Variants in CFAP251 observed in about 807,000 individuals in gnomAD.
CFAP251 encodes cilia and flagella associated protein 251, also known as cilia- and flagella-associated protein 251.
CFAP251 carries 93 observed loss-of-function variants against 126.7 expected under a neutral mutation model. That is an observed-to-expected ratio of 0.73 (90% confidence interval 0.62 to 0.87). The LOEUF (loss-of-function observed/expected upper bound fraction) is 0.87, where lower values mean the gene tolerates loss of function less well. Among genes scored for constraint, CFAP251 ranks in the 40% least tolerant of loss-of-function variants. CFAP251 has a pLI of 0.00. For missense variants in CFAP251, 1,287 were observed against 1,389.2 expected (o/e 0.93, Z 1.17); for synonymous variants, 503 against 506.9 (o/e 0.99, Z 0.10).
intron 1 of CFAP251, among the ~76,000 whole-genome samples, chr12:121,919,763 T>G (rs1282501724): frequency 1.3e-5 from 2 of 152,174 alleles, no homozygotes; most frequent in African/African-American, 2.4e-5. Flanking sequence ...GGGTTATGCA[T>G]TTTGCTGCCT....
chr12:121,999,572 G>C lies in CFAP251; in HGVS notation c.3007-144G>C, dbSNP rs1407943238. On this transcript the variant is annotated intron_variant, in intron 19 of 21. Coordinates refer to ENST00000288912, the MANE Select transcript of CFAP251 (RefSeq NM_144668.6). The stretch of plus-strand genomic sequence containing the variant: ...GCTGGTCTCAAACTCCTGGCCTCAA[G>C]TGATCCTTTGGCCACGGCCTCCCAA... 9 of 598,714 alleles carry C rather than the reference G, an allele frequency of 1.5e-5. No homozygotes were observed. In the East Asian group the frequency reaches 2.3e-4, roughly 16 times the overall value. The allele number at this position is 598,714 out of a possible 1,614,324, so 37.1% of individuals were successfully genotyped here.
At chr12:121,972,456 TGAGA>T (rs1342606659) in intron 17 of CFAP251, among the ~76,000 whole-genome samples, 1 of 152,106 alleles carries the variant, frequency 6.6e-6, no homozygotes, top group African/African-American at 2.4e-5. Flanking sequence ...ACTTTGAACT[TGAGA>T]GAGATGATTT....
Position 121,920,034 on chromosome 12 carries a change from A to C in CFAP251, c.-20-1252A>C, listed in dbSNP as rs1880092913. Among the ~76,000 whole-genome samples the C allele has an allele frequency of 1.3e-5, 2 of 151,598 alleles. 1 individual carries two copies. The highest frequency in any genetic ancestry group is 4.2e-4 in the South Asian group (2 of 4,800). On this transcript the variant is annotated intron_variant, in intron 1 of 21. Transcript: ENST00000288912. The stretch of plus-strand genomic sequence containing the variant: ...CTGCCTCCATTGAAAAAATACAAAA[A>C]TTAGCTGGGTGTGGTGGCAGACGCC...
At chr12:121,977,759 T>C (rs186410028) in intron 19 of CFAP251, among the ~76,000 whole-genome samples, 2 of 149,194 alleles carry the variant, frequency 1.3e-5, no homozygotes, top group Non-Finnish European at 3.0e-5. Context: ...ATCGAGACCA[T>C]CCTGGCTAAC....
At chr12:121,979,636 T>C (rs1882568160) in intron 19 of CFAP251, among the ~76,000 whole-genome samples, 1 of 146,320 alleles carries the variant, frequency 6.8e-6, no homozygotes, top group Non-Finnish European at 1.5e-5. Flanking sequence ...GTGATCTCAG[T>C]TTACTGCAAT....
Position 122,001,445 on chromosome 12 carries a change from T to C in CFAP251, c.3236-52T>C, listed in dbSNP as rs1883147520. The C allele has an allele frequency of 2.2e-6, 3 of 1,380,452 alleles. No individual in the cohort carries two copies. In the African/African-American group the frequency reaches 4.3e-5, roughly 20 times the overall value. The allele number at this position is 1,380,452 out of a possible 1,614,324, so 85.5% of individuals were successfully genotyped here. A position where few individuals can be genotyped will look rare whatever the true frequency, so the allele number is the denominator to read the frequency against. ...GAATAATAACGCTAAGCCCTGACAG[T>C]ATGCTTAGCCTCAAGAGTTAAACAA... On this transcript the variant is annotated intron_variant, in intron 20 of 21. Transcript: ENST00000288912.
At chr12:121,967,180 A>C (rs907974027) in intron 16 of CFAP251, 111 bp downstream of exon 16, 2 of 933,386 alleles carry the variant, frequency 2.1e-6, no homozygotes, top group Non-Finnish European at 3.4e-6. Flanking sequence ...GCCAAGCCCA[A>C]CTGCTTCCAC....
chr12:121,949,147 A>G (rs1327754657), intron 8 of CFAP251, 86 bp downstream of exon 8: 2 of 811,660 alleles, frequency 2.5e-6, no homozygotes, highest in Admixed American at 2.7e-5. Flanking sequence ...TAATGTAACA[A>G]TATAGTATCT....
intron 5 of CFAP251, among the ~76,000 whole-genome samples, chr12:121,942,162 C>T (rs1456823297): frequency 6.6e-6 from 1 of 152,160 alleles, no homozygotes; most frequent in Non-Finnish European, 1.5e-5. Context: ...ACATTTAATA[C>T]ATTTACACTC....
intron 19 of CFAP251, among the ~76,000 whole-genome samples, chr12:121,988,729 T>C (rs1173869702): frequency 6.6e-6 from 1 of 150,942 alleles, no homozygotes; most frequent in African/African-American, 2.5e-5. Flanking sequence ...TTGTTGGATT[T>C]TTTTTTCTTT....
intron 19 of CFAP251, among the ~76,000 whole-genome samples, chr12:121,980,114 C>T (rs1882583079): frequency 6.6e-6 from 1 of 152,238 alleles, no homozygotes; most frequent in Non-Finnish European, 1.5e-5. Flanking sequence ...CTTCCCAGAG[C>T]TGCAGACATT....
In CFAP251 at chr12:121,930,139, G is replaced by T. The variant is rs973076085; in HGVS notation, c.748-1607G>T. The stretch of plus-strand genomic sequence containing the variant: ...GCTTGTTAGCCCTTTTTTTTTCCTC[G>T]TTGAATAATATTGCATTGTCTGGAT... On this transcript the variant is annotated intron_variant, in intron 3 of 21. Coordinates refer to ENST00000288912, the MANE Select transcript of CFAP251 (RefSeq NM_144668.6). 5.9e-4 allele frequency among the ~76,000 whole-genome samples: 89 copies of T among 150,200 alleles called. 1 individual carries two copies. The highest frequency in any genetic ancestry group is 3.0e-5 in the Non-Finnish European group (2 of 67,678).
chr12:121,919,834 G>C (rs1052666486), intron 1 of CFAP251, among the ~76,000 whole-genome samples: 20 of 152,302 alleles, frequency 1.3e-4, no homozygotes, highest in African/African-American at 4.3e-4. Context: ...TTCCCAGAAA[G>C]TTGACAGGCC....
intron 19 of CFAP251, among the ~76,000 whole-genome samples, chr12:121,990,732 T>C (rs138694252): frequency 7.1e-4 from 108 of 152,280 alleles, no homozygotes; most frequent in African/African-American, 2.3e-3. Context: ...TACATCAGTA[T>C]TTTTACACCT....
At chr12:121,954,583 C>T (rs1206429322) in intron 10 of CFAP251, among the ~76,000 whole-genome samples, 1 of 119,884 alleles carries the variant, frequency 8.3e-6, no homozygotes, top group Non-Finnish European at 1.6e-5. Context: ...CTGCAATGAG[C>T]TATCATTGCC....
intron 19 of CFAP251, among the ~76,000 whole-genome samples, chr12:121,980,044 C>T (rs967605527): frequency 1.3e-5 from 2 of 152,218 alleles, no homozygotes; most frequent in African/African-American, 4.8e-5. Flanking sequence ...TGTCTCCCTC[C>T]GTGTCCGGCC....
intron 8 of CFAP251, chr12:121,950,828 GATT>G (rs1881493865): frequency 6.6e-6 from 1 of 152,014 alleles, no homozygotes; most frequent in Non-Finnish European, 1.5e-5. Flanking sequence ...AAAGTGCTGA[GATT>G]ATAGGCGTGA....
chr12:121,992,288 A>G (rs1221059174), intron 19 of CFAP251: 2 of 985,336 alleles, frequency 2.0e-6, no homozygotes, highest in African/African-American at 3.5e-5. Context: ...TTCAACGAAC[A>G]CTTGCGAAGT....
At chr12:121,998,486 T>TATAC (rs1883076172) in intron 19 of CFAP251, 2 of 121,286 alleles carry the variant, frequency 1.6e-5, no homozygotes, top group African/African-American at 6.4e-5. Context: ...TATATATATA[T>TATAC]ATGATTGTGT....
Sources: gnomAD v4.1 joint callset for allele counts (sites outside exome capture counted in the v4.1 genomes callset) on GRCh38, gnomAD v4.1.1 for gene constraint, MANE v1.5 for transcripts, NCBI Gene and HGNC (gene_info 2026-07-23, HGNC 2026-07-21) for gene names.